The following IPO11 variants were observed in gnomAD, a reference collection of about 807,000 sequenced individuals.
IPO11 encodes the protein importin-11.
IPO11 carries 66 observed loss-of-function variants against 143.2 expected under a neutral mutation model. The ratio of observed to expected loss-of-function variants is 0.46; its 90% CI spans 0.38 to 0.57. The LOEUF (loss-of-function observed/expected upper bound fraction) is 0.57. Ranked by LOEUF, IPO11 falls within the 20% of genes least tolerant of loss-of-function variation. The pLI, the probability that IPO11 is intolerant of heterozygous loss-of-function variation, is 0.00. For missense variants in IPO11, 1,026 were observed against 1,141.0 expected, an observed-to-expected ratio of 0.90 and a Z score of 1.45; for synonymous variants, 385 against 377.8, an observed-to-expected ratio of 1.02 and a Z score of -0.22.
intron 1 of IPO11, among the ~76,000 whole-genome samples, chr5:62,422,309 T>G (rs1436101163): frequency 1.3e-5 from 2 of 152,236 alleles, no homozygotes; most frequent in East Asian, 3.9e-4. Flanking sequence ...GTGTTTTTAG[T>G]AGAAATGGGG....
chr5:62,622,609 G>A (rs1310789975), intron 29 of IPO11, among the ~76,000 whole-genome samples: 1 of 152,038 alleles, frequency 6.6e-6, no homozygotes, highest in Non-Finnish European at 1.5e-5. Context: ...TAATTACTTT[G>A]TCTAATTGCT....
intron 27 of IPO11, among the ~76,000 whole-genome samples, chr5:62,586,291 A>C (rs577886264): frequency 6.6e-6 from 1 of 152,260 alleles, no homozygotes; most frequent in South Asian, 2.1e-4. Flanking sequence ...TTCATGATAC[A>C]ATGTTATTCA....
At chr5:62,433,960 AT>A in intron 1 of IPO11, among the ~76,000 whole-genome samples, 1 of 152,174 alleles carries the variant, frequency 6.6e-6, no homozygotes, top group East Asian at 1.9e-4. Flanking sequence ...TTCCTTTCAT[AT>A]GTTGATAGCA....
At position 62,620,628 on chromosome 5, in the gene IPO11, G is replaced by A. The variant is rs115822665; in HGVS notation, c.2764-6526G>A. On this transcript the variant is annotated intron_variant, in intron 29 of 29. Coordinates refer to ENST00000325324, the MANE Select transcript of IPO11 (RefSeq NM_016338.5). ...TTTAAATTTTTCTGGTTGACAGTTG[G>A]TTGAGTTTTTCTAAAGACCTGGAGT... Among the ~76,000 whole-genome samples the A allele has an allele frequency of 4.4e-3, 667 of 152,176 alleles. 7 individuals are homozygous for A. The highest frequency in any genetic ancestry group is 0.015 in the African/African-American group (643 of 41,520).
At chr5:62,458,040 G>A (rs376129132) in intron 5 of IPO11, among the ~76,000 whole-genome samples, 4 of 151,516 alleles carry the variant, frequency 2.6e-5, no homozygotes, top group Admixed American at 1.3e-4. Flanking sequence ...CCAGCTACTC[G>A]GGAGGCTGAG....
intron 29 of IPO11, among the ~76,000 whole-genome samples, chr5:62,616,932 A>T (rs1746163128): frequency 6.6e-6 from 1 of 152,052 alleles, no homozygotes; most frequent in Admixed American, 6.5e-5. Context: ...TTTTTGAAAG[A>T]GATTGAGGAC....
At chr5:62,610,372 G>A (rs4700012) in intron 29 of IPO11, among the ~76,000 whole-genome samples, 108,468 of 152,086 alleles carry the variant, frequency 0.71, 39,382 homozygotes, top group African/African-American at 0.85. Context: ...ATATTGAAAA[G>A]CAGTTTGAAA....
chr5:62,432,651 T>C (rs1444381967), intron 1 of IPO11, among the ~76,000 whole-genome samples: 2 of 152,234 alleles, frequency 1.3e-5, no homozygotes, highest in South Asian at 2.1e-4. Flanking sequence ...TTGAGCTTTT[T>C]ATAATTTTCA....
At chr5:62,536,896 G>A in intron 23 of IPO11, 115 bp downstream of exon 23, 1 of 1,112,168 alleles carries the variant, frequency 9.0e-7, no homozygotes, top group Non-Finnish European at 1.2e-6. Flanking sequence ...TTTTAAGACA[G>A]AGAAACATTG....
In IPO11 at chr5:62,434,838, A is replaced by G. The variant is rs556661676; in HGVS notation, c.-6-2436A>G. ...TCAGGAGTTTGAGACCATCCTGGCC[A>G]ATATGGTGAAACCCAGTCTCTACTA... On this transcript the variant is annotated intron_variant, in intron 1 of 29. Transcript: ENST00000325324. Among the ~76,000 whole-genome samples, 109 of 151,770 alleles carry G rather than the reference A, an allele frequency of 7.2e-4. 1 individual carries two copies. In the South Asian group the frequency reaches 0.022, roughly 31 times the overall value.
chr5:62,508,224 T>C (rs1268007532), intron 19 of IPO11, among the ~76,000 whole-genome samples: 1 of 152,030 alleles, frequency 6.6e-6, no homozygotes, highest in Non-Finnish European at 1.5e-5. Context: ...TCCAATCTCC[T>C]GGGTTCAAGT....
chr5:62,449,250 C>T (rs1287372019), intron 3 of IPO11, among the ~76,000 whole-genome samples: 1 of 152,214 alleles, frequency 6.6e-6, no homozygotes, highest in Non-Finnish European at 1.5e-5. Flanking sequence ...AACATGTATA[C>T]AGTCTTATAC....
At chr5:62,582,540 A>T (rs1744607568) in intron 27 of IPO11, among the ~76,000 whole-genome samples, 1 of 152,330 alleles carries the variant, frequency 6.6e-6, no homozygotes, top group East Asian at 1.9e-4. Context: ...GCGAGGTCTT[A>T]TGGTAAAGGC....
intron 24 of IPO11, among the ~76,000 whole-genome samples, chr5:62,546,344 A>G (rs1341322192): frequency 6.6e-6 from 1 of 152,208 alleles, no homozygotes; most frequent in East Asian, 1.9e-4. Context: ...AAAGTATCGC[A>G]AGGATAGAAC....
chr5:62,621,308 C>T (rs148898823), intron 29 of IPO11, among the ~76,000 whole-genome samples: 39 of 152,144 alleles, frequency 2.6e-4, no homozygotes, highest in African/African-American at 7.7e-4. Flanking sequence ...CTTTGAAGGG[C>T]GAGGGGGAAC....
intron 24 of IPO11, 136 bp from the exon 25 acceptor site, chr5:62,550,231 T>C (rs1439610208): frequency 5.2e-6 from 3 of 572,612 alleles, no homozygotes; most frequent in Non-Finnish European, 9.4e-6. Context: ...TGTCAGAATA[T>C]TGCATACCCT....
intron 5 of IPO11, among the ~76,000 whole-genome samples, chr5:62,457,092 G>T (rs913331566): frequency 6.6e-6 from 1 of 152,058 alleles, no homozygotes; most frequent in East Asian, 1.9e-4. Context: ...GGGTGGGGGG[G>T]AAAATATCTG....
intron 24 of IPO11, among the ~76,000 whole-genome samples, chr5:62,540,789 C>T (rs910062634): frequency 6.6e-6 from 1 of 152,144 alleles, no homozygotes; most frequent in Non-Finnish European, 1.5e-5. Flanking sequence ...CAATGCCAAG[C>T]ATGTAATAAG....
intron 1 of IPO11, among the ~76,000 whole-genome samples, chr5:62,422,319 G>A (rs539582661): frequency 6.6e-6 from 1 of 152,160 alleles, no homozygotes; most frequent in East Asian, 1.9e-4. Flanking sequence ...TAGAAATGGG[G>A]TTTCACCATG....
Sources: gnomAD v4.1 joint callset for allele counts (sites outside exome capture counted in the v4.1 genomes callset) on GRCh38, gnomAD v4.1.1 for gene constraint, MANE v1.5 for transcripts, NCBI Gene and HGNC (gene_info 2026-07-23, HGNC 2026-07-21) for gene names.